Variants in SLC17A6 observed in about 807,000 individuals in gnomAD.
SLC17A6 encodes the protein vesicular glutamate transporter 2.
A neutral mutation model predicts 67.1 loss-of-function variants in SLC17A6; 35 were observed. The ratio of observed to expected loss-of-function variants is 0.52; its 90% CI spans 0.40 to 0.69. SLC17A6 has a LOEUF of 0.69. Ranked by LOEUF, SLC17A6 falls within the 30% of genes least tolerant of loss-of-function variation. The pLI is 0.00. For missense variants in SLC17A6, 588 were observed against 723.9 expected (o/e 0.81, Z 2.15); for synonymous variants, 285 against 252.3 (o/e 1.13, Z -1.23).
intron 3 of SLC17A6, among the ~76,000 whole-genome samples, chr11:22,358,771 G>GA (rs746058281): frequency 6.6e-6 from 1 of 151,832 alleles, no homozygotes; most frequent in Non-Finnish European, 1.5e-5. Context: ...TCAAACAGAA[G>GA]AAAAAAATGA....
intron 5 of SLC17A6, chr11:22,362,293 TG>T: frequency 2.5e-6 from 1 of 398,328 alleles, no homozygotes. Flanking sequence ...AAGAGACCGC[TG>T]GCAGAGAAAA....
Position 22,375,976 on chromosome 11 carries a change from C to T in SLC17A6, c.1175-6C>T. On this transcript the variant is annotated splice_polypyrimidine_tract_variant and splice_region_variant and intron_variant, in intron 9 of 11. Transcript: ENST00000263160. The stretch of plus-strand genomic sequence containing the variant: ...CTGAAGAATTTCTATGTGTTTGCTT[C>T]TGAAGGTTTTGGCATGGAAGCCACA... 1 of 1,593,952 alleles carries T rather than the reference C, an allele frequency of 6.3e-7. No homozygotes were observed. Among genetic ancestry groups the T allele is most frequent in the Non-Finnish European group, 8.5e-7 (1 of 1,169,710 alleles).
intron 3 of SLC17A6, among the ~76,000 whole-genome samples, chr11:22,352,765 G>C (rs985599213): frequency 6.6e-6 from 1 of 152,108 alleles, no homozygotes; most frequent in Non-Finnish European, 1.5e-5. Flanking sequence ...TTGAGGGTGG[G>C]GGCATGAGTG....
chr11:22,376,161 A>AT (rs762501811), intron 10 of SLC17A6, 69 bp downstream of exon 10: 11 of 974,990 alleles, frequency 1.1e-5, no homozygotes, highest in African/African-American at 1.6e-5. Context: ...AGACACATAC[A>AT]TATACCTTTT....
chr11:22,370,790 T>C (rs1481324154), intron 8 of SLC17A6, among the ~76,000 whole-genome samples: 1 of 152,084 alleles, frequency 6.6e-6, no homozygotes, highest in Non-Finnish European at 1.5e-5. Flanking sequence ...GGTGTAAACG[T>C]GAAAGTAAGT....
chr11:22,349,819 ACAAAGGGAGGCATC>A (rs1246837400), intron 3 of SLC17A6, among the ~76,000 whole-genome samples: 1 of 152,150 alleles, frequency 6.6e-6, no homozygotes, highest in Non-Finnish European at 1.5e-5. Context: ...ATCAGATGTG[ACAAAGGGAGGCATC>A]CAAGCCCTGA....
intron 3 of SLC17A6, among the ~76,000 whole-genome samples, chr11:22,351,927 A>G (rs2133864608): frequency 6.6e-6 from 1 of 150,686 alleles, no homozygotes; most frequent in South Asian, 2.3e-4. Flanking sequence ...TATATAATCT[A>G]TTTCCTTCTG....
intron 11 of SLC17A6, 128 bp downstream of exon 11, chr11:22,376,800 G>A (rs1856237331): frequency 1.1e-6 from 1 of 926,646 alleles, no homozygotes; most frequent in Non-Finnish European, 1.6e-6. Context: ...CTCTGAGTGG[G>A]AAATATAAAT....
chr11:22,342,390 C>A (rs973463998), intron 2 of SLC17A6, among the ~76,000 whole-genome samples: 5 of 152,112 alleles, frequency 3.3e-5, no homozygotes, highest in Admixed American at 3.3e-4. Context: ...CTGCCGTAAA[C>A]CAGACTAAGC....
At chr11:22,370,376 G>A (rs533517414) in intron 8 of SLC17A6, among the ~76,000 whole-genome samples, 188 bp downstream of exon 8, 1 of 152,214 alleles carries the variant, frequency 6.6e-6, no homozygotes, top group Admixed American at 6.5e-5. Context: ...TTGTCTGCTA[G>A]AATTGCTCTC....
rs184186445 is a variant in SLC17A6, at chr11:22,359,558, G to A, written c.573+31G>A. The A allele has an allele frequency of 3.5e-6, 5 of 1,438,144 alleles. No individual in the cohort carries two copies. In the Admixed American group the frequency reaches 8.2e-5, roughly 24 times the overall value. The allele number at this position is 1,438,144 out of a possible 1,614,324, so 89.1% of individuals were successfully genotyped here. A position where few individuals can be genotyped will look rare whatever the true frequency, so the allele number is the denominator to read the frequency against. On this transcript the variant is annotated intron_variant, in intron 4 of 11. Coordinates refer to ENST00000263160, the MANE Select transcript of SLC17A6 (RefSeq NM_020346.3). Reference sequence around the variant, plus strand: ...TAACTTCAGGGTGAAGCCTTTTTAAGATTGGCATTTGGTTGAGAACCACCA... The same window carrying A: ...TAACTTCAGGGTGAAGCCTTTTTAAAATTGGCATTTGGTTGAGAACCACCA...
In SLC17A6 at chr11:22,378,253, G is replaced by A. The variant is rs911294459; in HGVS notation, c.*513G>A. On this transcript the variant is annotated 3_prime_UTR_variant, in exon 12 of 12. Transcript: ENST00000263160. The stretch of plus-strand genomic sequence containing the variant: ...ATTGTGAACTATCAGCTACAAAGTT[G>A]TACTGAATAACTATTAGAATTGCAT... 1 of 153,998 alleles carries A rather than the reference G, an allele frequency of 6.5e-6. No individual in the cohort carries two copies. Among genetic ancestry groups the A allele is most frequent in the Non-Finnish European group, 1.4e-5 (1 of 69,048 alleles). The allele number at this position is 153,998 out of a possible 1,614,324, so 9.5% of individuals were successfully genotyped here.
chr11:22,350,321 C>T (rs909177595), intron 3 of SLC17A6, among the ~76,000 whole-genome samples: 1 of 152,000 alleles, frequency 6.6e-6, no homozygotes, highest in African/African-American at 2.4e-5. Flanking sequence ...AAAATAATGA[C>T]ATATGATTAT....
At chr11:22,367,444 C>G (rs891165236) in intron 7 of SLC17A6, among the ~76,000 whole-genome samples, 20 of 152,078 alleles carry the variant, frequency 1.3e-4, no homozygotes, top group African/African-American at 4.1e-4. Context: ...TAGAACTTTC[C>G]TCTTTGTGTT....
chr11:22,341,163 G>A (rs1204148584), intron 1 of SLC17A6, among the ~76,000 whole-genome samples: 1 of 152,166 alleles, frequency 6.6e-6, no homozygotes. Flanking sequence ...CAGAGGAGGC[G>A]CTGGTAACCC....
At chr11:22,377,100 C>T (rs935640450) in intron 11 of SLC17A6, among the ~76,000 whole-genome samples, 1 of 150,186 alleles carries the variant, frequency 6.7e-6, no homozygotes, top group Admixed American at 6.6e-5. Flanking sequence ...AGTAAAGAAA[C>T]AAAGGAAATG....
rs1733066930 is a variant in SLC17A6, at chr11:22,377,794, T to C, written c.*54T>C. 1 of 1,416,674 alleles carries C rather than the reference T, an allele frequency of 7.1e-7. No homozygotes were observed. The highest frequency in any genetic ancestry group is 1.5e-5 in the African/African-American group (1 of 68,762). 87.8% of individuals were successfully genotyped at this position (1,416,674 alleles called of 1,614,324 possible). ...TGTTTGTGATTAAATTCATTGTGAT[T>C]GCACAAAAATTTTAAAAACACGTGA... On this transcript the variant is annotated 3_prime_UTR_variant, in exon 12 of 12. Coordinates refer to ENST00000263160, the MANE Select transcript of SLC17A6 (RefSeq NM_020346.3).
At chr11:22,344,611 C>A (rs977231803) in intron 3 of SLC17A6, among the ~76,000 whole-genome samples, 3 of 152,086 alleles carry the variant, frequency 2.0e-5, no homozygotes, top group Non-Finnish European at 4.4e-5. Context: ...ACTTGAAATA[C>A]GGATGGCTGA....
intron 3 of SLC17A6, among the ~76,000 whole-genome samples, chr11:22,345,115 C>T (rs544934881): frequency 1.3e-5 from 2 of 151,460 alleles, no homozygotes; most frequent in Non-Finnish European, 2.9e-5. Context: ...TATTAAAATG[C>T]TAACATTTTC....
Sources: allele counts gnomAD v4.1 joint callset (sites outside exome capture counted in the v4.1 genomes callset), GRCh38; gene constraint gnomAD v4.1.1; transcripts MANE v1.5; gene names NCBI Gene and HGNC (gene_info 2026-07-23, HGNC 2026-07-21).